The following SLC8A1 variants were observed in gnomAD, a reference collection of about 807,000 sequenced individuals.
SLC8A1 encodes sodium/calcium exchanger 1.
SLC8A1 carries 18 observed loss-of-function variants against 68.3 expected under a neutral mutation model. That is an observed-to-expected ratio of 0.26 (90% CI 0.18 to 0.39). SLC8A1 has a LOEUF of 0.39. Ranked by LOEUF, SLC8A1 falls within the 10% of genes least tolerant of loss-of-function variation. The probability of loss-of-function intolerance (pLI) is 1.00; values close to 1 mark genes in which losing one functional copy is unlikely to be tolerated. For missense variants in SLC8A1, 985 were observed against 1,156.7 expected, an observed-to-expected ratio of 0.85 and a Z score of 2.15; for synonymous variants, 475 against 415.5, an observed-to-expected ratio of 1.14 and a Z score of -1.74.
intron 2 of SLC8A1, chr2:40,190,403 T>A (rs2051562837): frequency 1.3e-5 from 2 of 152,194 alleles, no homozygotes; most frequent in Non-Finnish European, 2.9e-5. Flanking sequence ...TTAAAACTCA[T>A]CTTCAGACTC....
chr2:40,375,231 C>A (rs1183592096), intron 2 of SLC8A1, among the ~76,000 whole-genome samples: 1 of 151,956 alleles, frequency 6.6e-6, no homozygotes, highest in Non-Finnish European at 1.5e-5. Context: ...AAAATAGAAA[C>A]CCTAAGAACA....
At chr2:40,185,871 A>G (rs2050605334) in intron 2 of SLC8A1, among the ~76,000 whole-genome samples, 1 of 152,196 alleles carries the variant, frequency 6.6e-6, no homozygotes, top group Admixed American at 6.5e-5. Flanking sequence ...TGGAGTTTTC[A>G]GTAAGGAGTT....
intron 2 of SLC8A1, among the ~76,000 whole-genome samples, chr2:40,399,707 G>A: frequency 1.3e-5 from 2 of 151,900 alleles, no homozygotes; most frequent in East Asian, 1.9e-4. Flanking sequence ...ACATTTGGGG[G>A]AAAAAAAGTC....
At chr2:40,318,835 C>T (rs1041093130) in intron 2 of SLC8A1, among the ~76,000 whole-genome samples, 4 of 152,092 alleles carry the variant, frequency 2.6e-5, no homozygotes, top group Non-Finnish European at 5.9e-5. Context: ...GTGTGCAACG[C>T]TTAGGAAAGT....
intron 2 of SLC8A1, among the ~76,000 whole-genome samples, chr2:40,410,647 A>G (rs1691829854): frequency 1.3e-5 from 2 of 152,156 alleles, no homozygotes; most frequent in Non-Finnish European, 2.9e-5. Context: ...CACTATAGTT[A>G]AATCCAGCTA....
chr2:40,143,588 C>G (rs1185099179), intron 6 of SLC8A1, among the ~76,000 whole-genome samples: 1 of 152,160 alleles, frequency 6.6e-6, no homozygotes, highest in Non-Finnish European at 1.5e-5. Flanking sequence ...CCCTGATACA[C>G]ACTGGACTTC....
intron 2 of SLC8A1, among the ~76,000 whole-genome samples, chr2:40,224,347 A>C (rs931059933): frequency 6.6e-6 from 1 of 152,122 alleles, no homozygotes; most frequent in African/African-American, 2.4e-5. Context: ...ATTTGCTTGG[A>C]ATCTGCTCAA....
chr2:40,426,126 T>C (rs1696795703), intron 2 of SLC8A1, among the ~76,000 whole-genome samples: 1 of 151,992 alleles, frequency 6.6e-6, no homozygotes, highest in African/African-American at 2.4e-5. Flanking sequence ...GAAGTCAAGA[T>C]GAAATCTCTT....
chr2:40,476,889 T>G (rs948351110), intron 1 of SLC8A1, among the ~76,000 whole-genome samples: 1 of 152,112 alleles, frequency 6.6e-6, no homozygotes, highest in Admixed American at 6.5e-5. Context: ...CAATAGTGAG[T>G]CTTGTTCTTT....
intron 2 of SLC8A1, among the ~76,000 whole-genome samples, chr2:40,344,211 A>G (rs373082256): frequency 1.3e-5 from 2 of 152,182 alleles, no homozygotes; most frequent in African/African-American, 4.8e-5. Context: ...CAAGATGTCA[A>G]CAGCAAAGTA....
chr2:40,286,659 T>C (rs533222680), intron 2 of SLC8A1, among the ~76,000 whole-genome samples: 7 of 152,318 alleles, frequency 4.6e-5, no homozygotes, highest in African/African-American at 1.7e-4. Context: ...TCTGTTCCAC[T>C]GATGACTTTC....
chr2:40,444,426 A>G (rs1701064188), intron 1 of SLC8A1, among the ~76,000 whole-genome samples: 1 of 152,190 alleles, frequency 6.6e-6, no homozygotes, highest in African/African-American at 2.4e-5. Context: ...TGAAAGAGAC[A>G]TTTCAAACCC....
At chr2:40,313,778 G>C (rs2074062731) in intron 2 of SLC8A1, among the ~76,000 whole-genome samples, 1 of 152,028 alleles carries the variant, frequency 6.6e-6, no homozygotes, top group Non-Finnish European at 1.5e-5. Flanking sequence ...CATTTCCCTA[G>C]TGAGTAAATG....
chr2:40,239,505 G>A (rs2060914281), intron 2 of SLC8A1, among the ~76,000 whole-genome samples: 1 of 152,150 alleles, frequency 6.6e-6, no homozygotes, highest in Non-Finnish European at 1.5e-5. Context: ...AAAGTTAGGT[G>A]ATTTGTCTGA....
chr2:40,206,540 C>G (rs1422701992), intron 2 of SLC8A1, among the ~76,000 whole-genome samples: 1 of 151,968 alleles, frequency 6.6e-6, no homozygotes, highest in African/African-American at 2.4e-5. Flanking sequence ...TTTATCATAA[C>G]AACATATCTA....
chr2:40,302,478 T>C (rs1335293861), intron 2 of SLC8A1, among the ~76,000 whole-genome samples: 1 of 150,612 alleles, frequency 6.6e-6, no homozygotes, highest in Non-Finnish European at 1.5e-5. Context: ...TACACACATA[T>C]ATATGATACA....
chr2:40,434,022 G>C (rs940795632), intron 1 of SLC8A1, among the ~76,000 whole-genome samples: 1 of 152,124 alleles, frequency 6.6e-6, no homozygotes, highest in Non-Finnish European at 1.5e-5. Flanking sequence ...TTTAGCAATT[G>C]CCTGGCAACC....
chr2:40,377,343 G>A (rs1680219336), intron 2 of SLC8A1, among the ~76,000 whole-genome samples: 2 of 152,048 alleles, frequency 1.3e-5, no homozygotes, highest in African/African-American at 4.8e-5. Flanking sequence ...CCCAGCCTTG[G>A]CCAATACCTT....
At chr2:40,231,460 CTAAATGGCTA>C (rs2059634288) in intron 2 of SLC8A1, among the ~76,000 whole-genome samples, 1 of 152,222 alleles carries the variant, frequency 6.6e-6, no homozygotes, top group South Asian at 2.1e-4. Flanking sequence ...CCATTTCTCT[CTAAATGGCTA>C]TATCTAGTCC....
Sources: gnomAD v4.1 joint callset for allele counts (sites outside exome capture counted in the v4.1 genomes callset) on GRCh38, gnomAD v4.1.1 for gene constraint, MANE v1.5 for transcripts, NCBI Gene and HGNC (gene_info 2026-07-23, HGNC 2026-07-21) for gene names.